Variants in FOCAD observed in about 807,000 individuals in gnomAD.
FOCAD encodes KIAA1797.
In FOCAD, 198 loss-of-function variants were observed where a neutral mutation model predicts 225.6. That is an observed-to-expected ratio of 0.88 (90% CI 0.78 to 0.99). The LOEUF (loss-of-function observed/expected upper bound fraction) is 0.99. Among genes scored for constraint, FOCAD ranks in the 50% least tolerant of loss-of-function variants. The pLI is 0.00. For missense variants in FOCAD, 2,713 were observed against 2,123.6 expected, an observed-to-expected ratio of 1.28 and a Z score of -5.46; for synonymous variants, 897 against 755.0, an observed-to-expected ratio of 1.19 and a Z score of -3.08.
chr9:20,966,009 G>T (rs1839221135), intron 35 of FOCAD, among the ~76,000 whole-genome samples: 1 of 152,048 alleles, frequency 6.6e-6, no homozygotes, highest in South Asian at 2.1e-4. Context: ...CAAGTTTTGG[G>T]TTGAACACCT....
At chr9:20,764,780 T>C (rs1829912884) in intron 6 of FOCAD, 89 bp from the exon 7 acceptor site, 3 of 950,758 alleles carry the variant, frequency 3.2e-6, no homozygotes, top group Non-Finnish European at 4.9e-6. Flanking sequence ...GATTATGTTA[T>C]GTCATGAACT....
intron 15 of FOCAD, among the ~76,000 whole-genome samples, chr9:20,840,340 C>T (rs1826394051): frequency 6.6e-6 from 1 of 151,766 alleles, no homozygotes; most frequent in African/African-American, 2.4e-5. Flanking sequence ...TTCAGTTTCT[C>T]TCATCAATGT....
chr9:20,849,392 T>C (rs1026197091), intron 15 of FOCAD, among the ~76,000 whole-genome samples: 2 of 151,884 alleles, frequency 1.3e-5, no homozygotes, highest in African/African-American at 4.8e-5. Context: ...GTTTTTTTTT[T>C]CTGTTTTTTA....
chr9:20,696,463 A>G (rs891357118), intron 1 of FOCAD, among the ~76,000 whole-genome samples: 1 of 152,190 alleles, frequency 6.6e-6, no homozygotes, highest in East Asian at 1.9e-4. Flanking sequence ...TTATTTGTCA[A>G]TTGCTATGGT....
intron 15 of FOCAD, 39 bp downstream of exon 15, chr9:20,823,154 A>G: frequency 6.3e-7 from 1 of 1,580,850 alleles, no homozygotes; most frequent in Non-Finnish European, 8.6e-7. Context: ...TTTTGAAGAA[A>G]ATCTTTTATA....
rs189705928 is a variant in FOCAD, at chr9:20,727,612, A to G, written c.287+7078A>G. 2.6e-4 allele frequency among the ~76,000 whole-genome samples: 39 copies of G among 147,400 alleles called. No homozygotes were observed. In the East Asian group the frequency reaches 7.5e-3, roughly 28 times the overall value. On this transcript the variant is annotated intron_variant, in intron 4 of 43. Coordinates refer to ENST00000338382, the MANE Select transcript of FOCAD (RefSeq NM_001375567.1). Reference sequence around the variant, plus strand: ...TGTCCGTGTCTTCTTGTCTCTGTTTATCTCTTTCATATAGTTTTATAGTTT... The same window carrying G: ...TGTCCGTGTCTTCTTGTCTCTGTTTGTCTCTTTCATATAGTTTTATAGTTT...
intron 6 of FOCAD, among the ~76,000 whole-genome samples, chr9:20,763,519 G>A (rs1829796120): frequency 6.6e-6 from 1 of 152,190 alleles, no homozygotes; most frequent in African/African-American, 2.4e-5. Flanking sequence ...CACATCTGAT[G>A]TGATCTGATC....
chr9:20,815,137 G>GTTTTTTTT lies in FOCAD; in HGVS notation c.1456-4649_1456-4642dup, dbSNP rs71334555. The stretch of plus-strand genomic sequence containing the variant: ...TACTTCTCTTTGTTTTTTTTTTTTT[G>GTTTTTTTT]TTTTTTTTTTTTTTTTTGAGACAGT... On this transcript the variant is annotated intron_variant, in intron 11 of 43. Coordinates refer to ENST00000338382, the MANE Select transcript of FOCAD (RefSeq NM_001375567.1). Among the ~76,000 whole-genome samples, 31 of 69,144 alleles carry GTTTTTTTT rather than the reference G, an allele frequency of 4.5e-4. 1 individual carries two copies. Among genetic ancestry groups the GTTTTTTTT allele is most frequent in the African/African-American group, 1.7e-3 (28 of 16,588 alleles). 45.4% of individuals were successfully genotyped at this position (69,144 alleles called of 152,430 possible).
At chr9:20,796,262 C>A (rs924104975) in intron 11 of FOCAD, among the ~76,000 whole-genome samples, 3 of 152,146 alleles carry the variant, frequency 2.0e-5, no homozygotes, top group Admixed American at 6.5e-5. Context: ...GTAAATAGTG[C>A]CACAATAAAC....
At chr9:20,933,362 C>T (rs990428535) in intron 28 of FOCAD, among the ~76,000 whole-genome samples, 3 of 152,142 alleles carry the variant, frequency 2.0e-5, no homozygotes, top group African/African-American at 7.2e-5. Context: ...ACGCTTTCTC[C>T]CTGAATCCCC....
At chr9:20,781,468 T>A (rs1819357055) in intron 9 of FOCAD, among the ~76,000 whole-genome samples, 1 of 148,368 alleles carries the variant, frequency 6.7e-6, no homozygotes, top group African/African-American at 2.5e-5. Context: ...TGTTGAATTG[T>A]ATTTTTTAAA....
At chr9:20,804,667 C>T (rs768222422) in intron 11 of FOCAD, among the ~76,000 whole-genome samples, 8 of 152,104 alleles carry the variant, frequency 5.3e-5, no homozygotes, top group Admixed American at 2.0e-4. Context: ...AAAATTAAAT[C>T]GCCTGATTGA....
intron 2 of FOCAD, among the ~76,000 whole-genome samples, chr9:20,670,803 C>G (rs1223734175): frequency 1.3e-5 from 2 of 152,124 alleles, no homozygotes; most frequent in Non-Finnish European, 2.9e-5. Context: ...ATTTGTATCC[C>G]TATTTCTATG....
chr9:20,805,201 G>A (rs933122764), intron 11 of FOCAD, among the ~76,000 whole-genome samples: 3 of 152,224 alleles, frequency 2.0e-5, no homozygotes, highest in East Asian at 1.9e-4. Flanking sequence ...ATGCATGTAC[G>A]GAGGATTAGG....
intron 21 of FOCAD, among the ~76,000 whole-genome samples, chr9:20,887,777 A>G (rs1357920454): frequency 2.0e-5 from 3 of 152,336 alleles, no homozygotes; most frequent in African/African-American, 7.2e-5. Context: ...CTGTTTTCCT[A>G]GTGGCTGTCT....
chr9:20,844,210 A>G (rs1313022758), intron 15 of FOCAD, among the ~76,000 whole-genome samples: 1 of 152,064 alleles, frequency 6.6e-6, no homozygotes, highest in Non-Finnish European at 1.5e-5. Context: ...TAGCCAACTG[A>G]CCATTTTTAT....
At chr9:20,895,532 T>C (rs1210971592) in intron 21 of FOCAD, among the ~76,000 whole-genome samples, 1 of 151,812 alleles carries the variant, frequency 6.6e-6, no homozygotes, top group South Asian at 2.1e-4. Flanking sequence ...AGATATTATA[T>C]ACACACACAT....
At chr9:20,978,885 C>T (rs1194164359) in intron 37 of FOCAD, among the ~76,000 whole-genome samples, 1 of 152,110 alleles carries the variant, frequency 6.6e-6, no homozygotes, top group Non-Finnish European at 1.5e-5. Context: ...TTAAGGTGGG[C>T]CATGATTTGG....
At chr9:20,814,483 G>A (rs149842186) in intron 11 of FOCAD, among the ~76,000 whole-genome samples, 3,531 of 151,922 alleles carry the variant, frequency 0.023, 66 homozygotes, top group Non-Finnish European at 0.036. Context: ...AGCCTCCCAA[G>A]TAGCTGGGAT....
Sources: gnomAD v4.1 joint callset for allele counts (sites outside exome capture counted in the v4.1 genomes callset) on GRCh38, gnomAD v4.1.1 for gene constraint, MANE v1.5 for transcripts, NCBI Gene and HGNC (gene_info 2026-07-23, HGNC 2026-07-21) for gene names.